Variants in RELN observed in about 807,000 individuals in gnomAD.
RELN encodes reelin.
A neutral mutation model predicts 427.6 loss-of-function variants in RELN; 108 were observed. The ratio of observed to expected loss-of-function variants is 0.25; its 90% CI spans 0.22 to 0.30. The LOEUF is 0.30. RELN is among the 10% of genes least tolerant of loss of function. The probability of loss-of-function intolerance (pLI) is 1.00; values close to 1 mark genes in which losing one functional copy is unlikely to be tolerated. For missense variants in RELN, 3,715 were observed against 4,302.8 expected, an observed-to-expected ratio of 0.86 and a Z score of 3.82; for synonymous variants, 1,524 against 1,513.4, an observed-to-expected ratio of 1.01 and a Z score of -0.16.
At chr7:103,930,866 ATATGTG>A (rs1795847015) in intron 1 of RELN, among the ~76,000 whole-genome samples, 1 of 87,648 alleles carries the variant, frequency 1.1e-5, no homozygotes, top group Non-Finnish European at 2.4e-5. Flanking sequence ...GGGTGTGAGC[ATATGTG>A]TGTGTGTGTG....
chr7:103,722,527 G>A (rs904599237), intron 8 of RELN, among the ~76,000 whole-genome samples: 2 of 151,972 alleles, frequency 1.3e-5, no homozygotes, highest in Non-Finnish European at 2.9e-5. Flanking sequence ...ACATACCCTT[G>A]AAAAATAAAA....
chr7:103,757,964 T>C (rs536677361), intron 4 of RELN, among the ~76,000 whole-genome samples: 25 of 152,346 alleles, frequency 1.6e-4, no homozygotes, highest in African/African-American at 5.8e-4. Flanking sequence ...TAAATCAAAC[T>C]GAATTTCTAC....
intron 1 of RELN, among the ~76,000 whole-genome samples, chr7:103,983,806 G>T (rs6975845): frequency 0.76 from 115,242 of 151,884 alleles, 44,509 homozygotes; most frequent in East Asian, 0.94. Context: ...CTTTTTTTCC[G>T]GAGTGTAGTG....
At chr7:103,802,974 A>C (rs1792506331) in intron 3 of RELN, among the ~76,000 whole-genome samples, 1 of 152,144 alleles carries the variant, frequency 6.6e-6, no homozygotes, top group South Asian at 2.1e-4. Context: ...TAACACCGTA[A>C]TATTATTTTC....
chr7:103,602,157 G>A (rs1831685666), intron 24 of RELN, among the ~76,000 whole-genome samples: 1 of 152,150 alleles, frequency 6.6e-6, no homozygotes, highest in South Asian at 2.1e-4. Context: ...TATATGTTAT[G>A]AAGTGTTCTA....
chr7:103,663,361 C>T (rs1833186378), intron 11 of RELN, among the ~76,000 whole-genome samples: 2 of 152,126 alleles, frequency 1.3e-5, no homozygotes, highest in Non-Finnish European at 2.9e-5. Flanking sequence ...TCTTGTTGAG[C>T]GATGGCGGGA....
Position 103,496,754 on chromosome 7 carries a change from A to G in RELN, c.8965T>C (p.Leu2989=). 6.2e-7 allele frequency: 1 copy of G among 1,614,074 alleles called. No homozygotes were observed. Among genetic ancestry groups the G allele is most frequent in the Admixed American group, 1.7e-5 (1 of 60,018 alleles). Residue 2989 remains leucine (L), a synonymous_variant, in exon 56 of 65, where the codon TTG becomes CTG. Transcript: ENST00000428762. The part of the protein sequence containing the change: ...YSTDGGITWT[L]LHEMDYQKYI... The stretch of plus-strand genomic sequence containing the variant: ...TTCTGGTAATCCATCTCATGGAGCA[A>G]AGTCCAGGTAATTCCTATAATAACA...
At chr7:103,896,589 T>C (rs1172417338) in intron 2 of RELN, among the ~76,000 whole-genome samples, 1 of 152,156 alleles carries the variant, frequency 6.6e-6, no homozygotes, top group East Asian at 1.9e-4. Context: ...AGAGATTGCC[T>C]CTGGGTAGTG....
In RELN at chr7:103,686,306, T is replaced by G. The variant is rs115549058; in HGVS notation, c.1144-4045A>C. On this transcript the variant is annotated intron_variant, in intron 10 of 64. Transcript: ENST00000428762. ...CACCCAGCTGGAAGACCATTTTTGA[T>G]AGCCAAGCTGGCTGGTGGCAGACAA... Among the ~76,000 whole-genome samples the G allele has an allele frequency of 8.4e-3, 1,276 of 152,228 alleles. 20 individuals carry two copies. Among genetic ancestry groups the G allele is most frequent in the African/African-American group, 0.029 (1,208 of 41,542 alleles).
chr7:103,649,485 G>A lies in RELN; in HGVS notation c.2002+789C>T, dbSNP rs745813343. On this transcript the variant is annotated intron_variant, in intron 16 of 64. Transcript: ENST00000428762. ...GATAAATTACGTTGTACTCTATTTG[G>A]GTGATAGTTACACTAAAAGTCCAGA... Among the ~76,000 whole-genome samples the A allele has an allele frequency of 6.9e-4, 105 of 151,882 alleles. 1 individual carries two copies. Among genetic ancestry groups the A allele is most frequent in the Admixed American group, 1.5e-3 (23 of 15,224 alleles).
At chr7:103,609,931 A>G (rs1161515615) in intron 22 of RELN, among the ~76,000 whole-genome samples, 1 of 152,194 alleles carries the variant, frequency 6.6e-6, no homozygotes, top group Non-Finnish European at 1.5e-5. Flanking sequence ...CCTTTTCATT[A>G]TACTTACAAG....
intron 4 of RELN, among the ~76,000 whole-genome samples, chr7:103,757,451 T>C (rs1791187779): frequency 6.6e-6 from 1 of 152,162 alleles, no homozygotes; most frequent in South Asian, 2.1e-4. Context: ...CCACCCCACC[T>C]TGCATCTTGC....
At chr7:103,514,511 T>C (rs551851372) in intron 50 of RELN, among the ~76,000 whole-genome samples, 291 of 152,140 alleles carry the variant, frequency 1.9e-3, no homozygotes, top group Middle Eastern at 0.01. Context: ...ATTACAAAAT[T>C]AGCTGGGCAT....
rs114926265 is a variant in RELN, at chr7:103,697,921, C to T, written c.1075G>A (p.Val359Ile). Reference sequence around the variant, plus strand: ...ACTGGGTCGAGACTATCTTCTAAAACGACTTGTCTGTGAGCTGAATTGATG... The same window carrying T: ...ACTGGGTCGAGACTATCTTCTAAAATGACTTGTCTGTGAGCTGAATTGATG... ...LIINSAHRQV[V>I]LEDSLDPVDT... The change falls in exon 10 of 65, where the codon GTT (valine) becomes ATT (isoleucine). Residue 359 changes from valine (V) to isoleucine (I), a missense_variant. Val to Ile is a conservative substitution (Grantham distance 29). Transcript: ENST00000428762. 8.7e-4 allele frequency: 1,412 copies of T among 1,613,742 alleles called. 19 individuals carry two copies. In the African/African-American group the frequency reaches 0.017, roughly 19 times the overall value.
At chr7:103,680,841 G>T (rs1833637666) in intron 11 of RELN, among the ~76,000 whole-genome samples, 2 of 152,094 alleles carry the variant, frequency 1.3e-5, no homozygotes, top group African/African-American at 4.8e-5. Context: ...GGCCGTGTGG[G>T]CTAAAGGACT....
At chr7:103,749,981 G>GTT (rs58017725) in intron 5 of RELN, among the ~76,000 whole-genome samples, 8 of 151,170 alleles carry the variant, frequency 5.3e-5, no homozygotes, top group African/African-American at 1.5e-4. Context: ...AGATTTGATG[G>GTT]TTTTTTTTTA....
At chr7:103,741,357 A>G (rs964778294) in intron 6 of RELN, among the ~76,000 whole-genome samples, 1 of 151,974 alleles carries the variant, frequency 6.6e-6, no homozygotes, top group Admixed American at 6.6e-5. Flanking sequence ...ATTTTCATCA[A>G]TATATATTCC....
intron 38 of RELN, among the ~76,000 whole-genome samples, chr7:103,556,529 C>T (rs903859968): frequency 6.6e-6 from 1 of 152,076 alleles, no homozygotes; most frequent in Non-Finnish European, 1.5e-5. Context: ...GAATTGTACT[C>T]CCATAATTCC....
At chr7:103,775,674 G>GAC (rs1162854699) in intron 4 of RELN, among the ~76,000 whole-genome samples, 2 of 152,078 alleles carry the variant, frequency 1.3e-5, no homozygotes, top group African/African-American at 4.8e-5. Flanking sequence ...AAAATGGCAT[G>GAC]ACATTTACAA....
Sources: gnomAD v4.1 joint callset for allele counts (sites outside exome capture counted in the v4.1 genomes callset) on GRCh38, gnomAD v4.1.1 for gene constraint, MANE v1.5 for transcripts, NCBI Gene and HGNC (gene_info 2026-07-23, HGNC 2026-07-21) for gene names.